FHIT: variants seen among roughly 807,000 people sequenced by gnomAD.
The protein encoded by FHIT is fragile histidine triad diadenosine triphosphatase, also known as bis(5'-adenosyl)-triphosphatase.
FHIT carries 19 observed loss-of-function variants against 17.9 expected under a neutral mutation model. That is an observed-to-expected ratio of 1.06 (90% confidence interval 0.74 to 1.56). The LOEUF is 1.56. FHIT is among the 40% of genes most tolerant of loss of function. FHIT has a pLI of 0.00. For synonymous variants in FHIT, 81 were observed against 69.7 expected (o/e 1.16, Z -0.81); for missense variants, 248 against 189.2 (o/e 1.31, Z -1.82).
At chr3:61,135,600 T>TACACAC (rs1304994320) in intron 2 of FHIT, among the ~76,000 whole-genome samples, 8 of 144,964 alleles carry the variant, frequency 5.5e-5, no homozygotes, top group Non-Finnish European at 1.2e-4. Flanking sequence ...CACACACACA[T>TACACAC]ACACACACAC....
At chr3:60,784,498 G>A (rs1438527093) in intron 4 of FHIT, among the ~76,000 whole-genome samples, 1 of 152,098 alleles carries the variant, frequency 6.6e-6, no homozygotes, top group Non-Finnish European at 1.5e-5. Context: ...ACCACACTCA[G>A]CTAATTTTTG....
At chr3:59,925,269 A>T (rs145568658) in intron 7 of FHIT, among the ~76,000 whole-genome samples, 1 of 152,038 alleles carries the variant, frequency 6.6e-6, no homozygotes, top group East Asian at 1.9e-4. Flanking sequence ...ACATCAAGCT[A>T]ACTTTTTTTC....
chr3:61,208,076 C>T (rs570844532), intron 1 of FHIT, among the ~76,000 whole-genome samples: 2 of 151,992 alleles, frequency 1.3e-5, no homozygotes, highest in Admixed American at 6.6e-5. Flanking sequence ...TTATGTACCC[C>T]ATAGTCACTC....
intron 8 of FHIT, among the ~76,000 whole-genome samples, chr3:59,891,280 G>T (rs112982524): frequency 2.0e-5 from 3 of 152,312 alleles, no homozygotes; most frequent in African/African-American, 7.2e-5. Flanking sequence ...CCCTCAAGGA[G>T]GCTACCATGG....
chr3:60,514,640 C>A (rs1250219830), intron 5 of FHIT, among the ~76,000 whole-genome samples: 2 of 152,088 alleles, frequency 1.3e-5, no homozygotes, highest in African/African-American at 4.8e-5. Flanking sequence ...TATCCCAGAA[C>A]TTAAAGTTTT....
At position 60,730,246 on chromosome 3, in the gene FHIT, A is replaced by C. The variant is rs112870973; in HGVS notation, c.-18+91673T>G. 9.6e-4 allele frequency: 253 copies of C among 262,908 alleles called. No individual in the cohort carries two copies. The Middle Eastern group carries it at 0.015, about 16-fold the overall frequency. The allele number at this position is 262,908 out of a possible 1,614,324, so 16.3% of individuals were successfully genotyped here. On this transcript the variant is annotated intron_variant, in intron 4 of 9. Coordinates refer to ENST00000492590, the MANE Select transcript of FHIT (RefSeq NM_002012.4). ...CTGTACAGCTGTCATGGCCACAGCC[A>C]GCTCACTGATCATTTCTTCTAGTTT...
At chr3:60,461,787 G>C (rs976351378) in intron 5 of FHIT, among the ~76,000 whole-genome samples, 1 of 152,144 alleles carries the variant, frequency 6.6e-6, no homozygotes, top group Non-Finnish European at 1.5e-5. Context: ...GCAGGATAAG[G>C]ATGGGGGATC....
At chr3:60,527,319 T>C (rs2035612686) in intron 5 of FHIT, among the ~76,000 whole-genome samples, 1 of 152,198 alleles carries the variant, frequency 6.6e-6, no homozygotes. Context: ...CACATCTTAT[T>C]TAACAACTAT....
chr3:60,137,322 G>A (rs1243960375), intron 5 of FHIT, among the ~76,000 whole-genome samples: 2 of 152,250 alleles, frequency 1.3e-5, no homozygotes, highest in East Asian at 1.9e-4. Flanking sequence ...AAGGGGAGGC[G>A]GGGTGAGAGT....
intron 5 of FHIT, among the ~76,000 whole-genome samples, chr3:60,317,339 G>C (rs1709208735): frequency 6.6e-6 from 1 of 151,446 alleles, no homozygotes. Flanking sequence ...TGTTATCTTT[G>C]TAATTGATAA....
At chr3:60,717,071 T>C (rs2041701241) in intron 4 of FHIT, among the ~76,000 whole-genome samples, 1 of 152,162 alleles carries the variant, frequency 6.6e-6, no homozygotes. Flanking sequence ...ATGATCTCAC[T>C]TATATGTAGA....
chr3:60,255,268 G>A (rs1264272218), intron 5 of FHIT, among the ~76,000 whole-genome samples: 1 of 152,092 alleles, frequency 6.6e-6, no homozygotes, highest in African/African-American at 2.4e-5. Context: ...TGAGATGCGG[G>A]AATACATTTC....
At chr3:60,040,348 G>A (rs546009674) in intron 5 of FHIT, among the ~76,000 whole-genome samples, 65 of 152,208 alleles carry the variant, frequency 4.3e-4, no homozygotes, top group African/African-American at 1.6e-3. Context: ...GTTTCACCAT[G>A]TTGGTCAGGA....
rs540435942 is a variant in FHIT, at chr3:60,753,985, T to A, written c.-18+67934A>T. Reference sequence around the variant, plus strand: ...GTTTAAAAGGCAACTCAACAAGCCTTTCCCAGCAAAAGGAAAAGGTCAGGA... The same window carrying A: ...GTTTAAAAGGCAACTCAACAAGCCTATCCCAGCAAAAGGAAAAGGTCAGGA... On this transcript the variant is annotated intron_variant, in intron 4 of 9. Transcript: ENST00000492590. Among the ~76,000 whole-genome samples the A allele has an allele frequency of 3.0e-4, 46 of 152,278 alleles. No homozygotes were observed. The South Asian group carries it at 9.5e-3, about 32-fold the overall frequency.
intron 5 of FHIT, among the ~76,000 whole-genome samples, chr3:60,515,996 G>A (rs567177985): frequency 6.6e-6 from 1 of 152,124 alleles, no homozygotes; most frequent in Admixed American, 6.5e-5. Context: ...ATTTTTAAGT[G>A]AACACTCAAG....
chr3:60,076,701 T>C (rs1323374846), intron 5 of FHIT, among the ~76,000 whole-genome samples: 1 of 152,020 alleles, frequency 6.6e-6, no homozygotes, highest in East Asian at 1.9e-4. Context: ...AGCTCAGCTG[T>C]TGAGGATTCC....
At chr3:60,584,410 G>A (rs7645257) in intron 4 of FHIT, among the ~76,000 whole-genome samples, 83,045 of 151,186 alleles carry the variant, frequency 0.55, 23,002 homozygotes, top group Admixed American at 0.65. Flanking sequence ...TACAACCCTT[G>A]TGAGCTGCGG....
intron 5 of FHIT, among the ~76,000 whole-genome samples, chr3:60,091,013 A>G (rs1055496106): frequency 1.3e-5 from 2 of 152,224 alleles, no homozygotes; most frequent in Admixed American, 1.3e-4. Flanking sequence ...CAGACTGACA[A>G]CTAGGAGATC....
chr3:60,449,939 G>A (rs377760193), intron 5 of FHIT, among the ~76,000 whole-genome samples: 1 of 145,380 alleles, frequency 6.9e-6, no homozygotes, highest in Admixed American at 7.2e-5. Flanking sequence ...GGAGGCAGAG[G>A]TTGCAATAAA....
Sources: allele counts gnomAD v4.1 joint callset (sites outside exome capture counted in the v4.1 genomes callset), GRCh38; gene constraint gnomAD v4.1.1; transcripts MANE v1.5; gene names NCBI Gene and HGNC (gene_info 2026-07-23, HGNC 2026-07-21).